Variants in SLC25A22 observed in about 807,000 individuals in gnomAD.
The protein encoded by SLC25A22 is solute carrier family 25 member 22.
SLC25A22 carries 23 observed loss-of-function variants against 33.7 expected under a neutral mutation model. That is an observed-to-expected ratio of 0.68 (90% confidence interval 0.49 to 0.97). SLC25A22 has a LOEUF of 0.97. Ranked by LOEUF, SLC25A22 falls within the 50% of genes least tolerant of loss-of-function variation. SLC25A22 has a pLI of 0.00. For missense variants in SLC25A22, 390 were observed against 451.1 expected, an observed-to-expected ratio of 0.86 and a Z score of 1.23; for synonymous variants, 245 against 203.8, an observed-to-expected ratio of 1.20 and a Z score of -1.72.
At position 792,975 on chromosome 11, in the gene SLC25A22, G is replaced by C. The variant is rs370392070; in HGVS notation, c.307C>G (p.Leu103Val). The change falls in exon 6 of 10, where the codon CTG (leucine) becomes GTG (valine). Residue 103 changes from leucine (L) to valine (V), a missense_variant. By Grantham distance (32) the Leu-to-Val change is conservative. Transcript: ENST00000628067. ...QLSKDGQKLT[L>V]LKEMLAGCGA... ...CAGCCCGCCAGCATCTCTTTAAGCA[G>C]GGTCAGCTTCTGCCTGTGGTAGGGG... 1.2e-6 allele frequency: 2 copies of C among 1,613,310 alleles called. No individual in the cohort carries two copies. The highest frequency in any genetic ancestry group is 1.3e-5 in the African/African-American group (1 of 74,922).
intron 7 of SLC25A22, 39 bp from the exon 8 acceptor site, chr11:792,497 G>A (rs1025697688): frequency 2.5e-6 from 4 of 1,612,708 alleles, no homozygotes; most frequent in Non-Finnish European, 3.4e-6. Context: ...AGGAGGTGGT[G>A]GGGTGGGCAG....
chr11:796,554 G>A (rs892114530), intron 1 of SLC25A22, among the ~76,000 whole-genome samples: 1 of 152,302 alleles, frequency 6.6e-6, no homozygotes, highest in Middle Eastern at 3.4e-3. Flanking sequence ...GGTACTCTGA[G>A]AATGAGGCTT....
Position 793,527 on chromosome 11 carries a change from A to G in SLC25A22, c.293+2T>C. On this transcript the variant is annotated splice_donor_variant, in intron 5 of 9. Coordinates refer to ENST00000628067, the MANE Select transcript of SLC25A22 (RefSeq NM_001191061.2). LOFTEE classifies it high-confidence loss of function. The stretch of plus-strand genomic sequence containing the variant: ...CGAGTGTCTGCCAGGCAGAACCCTC[A>G]CCCGTCCTTAGAGAGCTGATGTCGG... 6.2e-7 allele frequency: 1 copy of G among 1,612,948 alleles called. No homozygotes were observed. The highest frequency in any genetic ancestry group is 1.3e-5 in the African/African-American group (1 of 74,714).
At chr11:794,166 TG>T in intron 4 of SLC25A22, 5 of 681,962 alleles carry the variant, frequency 7.3e-6, no homozygotes. Flanking sequence ...GGGTCCAGCC[TG>T]GCCCAGAAGG....
intron 4 of SLC25A22, chr11:793,977 G>T: frequency 2.1e-6 from 1 of 471,542 alleles, no homozygotes; most frequent in Non-Finnish European, 3.9e-6. Context: ...GCTGGGGCCA[G>T]AGGTCACAGG....
In SLC25A22 at chr11:795,372, C is replaced by T. The variant is rs1036346702; in HGVS notation, c.-163-203G>A. 12 of 259,670 alleles carry T rather than the reference C, an allele frequency of 4.6e-5. 2 individuals carry two copies. The highest frequency in any genetic ancestry group is 1.7e-4 in the East Asian group (2 of 11,778). The allele number at this position is 259,670 out of a possible 1,614,324, so 16.1% of individuals were successfully genotyped here. ...ACCACCTGGCTTCCTTTCAGTCCCC[C>T]CCTCCCCACCGCCAGCGTCTTCCCA... On this transcript the variant is annotated intron_variant, in intron 1 of 9. Transcript: ENST00000628067.
Position 793,557 on chromosome 11 carries a change from A to C in SLC25A22, c.265T>G (p.Phe89Val), listed in dbSNP as rs1864644840. The change falls in exon 5 of 10, where the codon TTC becomes GTC. Residue 89 changes from phenylalanine (F) to valine (V), a missense_variant. By Grantham distance (50) the Phe-to-Val change is conservative. Transcript: ENST00000628067. ...EKAIKLAAND[F>V]FRHQLSKDGQ... is the part of the protein sequence containing the mutation. ...TCCTTAGAGAGCTGATGTCGGAAGA[A>C]GTCGTTGGCTGCCAGCTTGATGGCC... 2.5e-6 allele frequency: 4 copies of C among 1,613,166 alleles called. No homozygotes were observed. Among genetic ancestry groups the C allele is most frequent in the Non-Finnish European group, 3.4e-6 (4 of 1,179,936 alleles).
chr11:794,952 G>A (rs1237046892), intron 2 of SLC25A22, 35 bp downstream of exon 2: 1 of 1,562,746 alleles, frequency 6.4e-7, no homozygotes, highest in Non-Finnish European at 8.7e-7. Context: ...GGGTCAGGGT[G>A]GGGGTGAGGC....
At chr11:795,409 ACGCCGCTCACGCTCGGGG>A (rs1864766070) in intron 1 of SLC25A22, 1 of 298,330 alleles carries the variant, frequency 3.4e-6, no homozygotes, top group Non-Finnish European at 6.2e-6. Flanking sequence ...CCAGCCTCAC[ACGCCGCTCACGCTCGGGG>A]CTCACGTGCA....
At chr11:796,375 G>A (rs921148408) in intron 1 of SLC25A22, 2 of 152,150 alleles carry the variant, frequency 1.3e-5, no homozygotes, top group Non-Finnish European at 2.9e-5. Context: ...AGCCTTGAGA[G>A]GAGAGATGAG....
rs1036346702 is a variant in SLC25A22 at position 795,372 on chromosome 11, C to A, written c.-163-203G>T. ...ACCACCTGGCTTCCTTTCAGTCCCC[C>A]CCTCCCCACCGCCAGCGTCTTCCCA... On this transcript the variant is annotated intron_variant, in intron 1 of 9. Transcript: ENST00000628067. The A allele has an allele frequency of 1.3e-4, 34 of 259,772 alleles. 2 individuals are homozygous for A. Among genetic ancestry groups the A allele is most frequent in the South Asian group, 3.5e-4 (12 of 34,112 alleles). 16.1% of individuals were successfully genotyped at this position (259,772 alleles called of 1,614,324 possible). A position where few individuals can be genotyped will look rare whatever the true frequency, so the allele number is the denominator to read the frequency against.
chr11:792,188 G>A lies in SLC25A22; in HGVS notation c.772C>T (p.Arg258Ter), dbSNP rs1337888216. 3 of 1,612,876 alleles carry A rather than the reference G, an allele frequency of 1.9e-6. No individual in the cohort carries two copies. The highest frequency in any genetic ancestry group is 1.7e-6 in the Non-Finnish European group (2 of 1,179,872). ...GAGTAGGTGTCCTCGTTGACGCCTC[G>A]CTGAAGTGACTGGAGCCGCGTCTTC... Reference protein sequence around the residue: ...VVKTRLQSLQRGVNEDTYSGI... With the variant: ...VVKTRLQSLQ The change falls in exon 9 of 10, where the codon CGA (arginine) becomes TGA (stop). Residue 258 changes from arginine to a stop codon, truncating the protein, a stop_gained. Transcript: ENST00000628067. LOFTEE classifies it high-confidence loss of function.
chr11:794,465 C>T lies in SLC25A22; in HGVS notation c.195G>A (p.Met65Ile), dbSNP rs1318091783. The T allele has an allele frequency of 1.2e-6, 2 of 1,612,902 alleles. No homozygotes were observed. The highest frequency in any genetic ancestry group is 8.5e-7 in the Non-Finnish European group (1 of 1,179,884). Residue 65 changes from methionine (M) to isoleucine (I), a missense_variant, in exon 4 of 10, where the codon ATG (methionine) becomes ATA (isoleucine). Coordinates refer to ENST00000628067, the MANE Select transcript of SLC25A22 (RefSeq NM_001191061.2). ...AGCCGAGCCAAACCTCACCCCGGTACATGCCGAAGTAGCCCTCGGAGCGGA... is the reference window on the plus strand; with the variant it reads ...AGCCGAGCCAAACCTCACCCCGGTATATGCCGAAGTAGCCCTCGGAGCGGA... ...KTVRSEGYFG[M>I]YRGAAVNLTL...
Position 798,239 on chromosome 11 carries a change from C to G in SLC25A22, c.-186G>C. On this transcript the variant is annotated 5_prime_UTR_variant, in exon 1 of 10. Coordinates refer to ENST00000628067, the MANE Select transcript of SLC25A22 (RefSeq NM_001191061.2). ...CACCACGCTCGCCGCCGCCGCCGCG[C>G]TCGCCTGCCCGCCCCGCGCTCGGCC... 2.5e-6 allele frequency: 1 copy of G among 392,742 alleles called. No homozygotes were observed. Among genetic ancestry groups the G allele is most frequent in the East Asian group, 3.6e-5 (1 of 27,666 alleles). The allele number at this position is 392,742 out of a possible 1,614,324, so 24.3% of individuals were successfully genotyped here.
At chr11:794,204 G>A in intron 4 of SLC25A22, 5 of 699,192 alleles carry the variant, frequency 7.2e-6, no homozygotes, top group Non-Finnish European at 1.0e-5. Context: ...CACCAGAGAA[G>A]AGACAGATGT....
Position 794,983 on chromosome 11 carries a change from T to G in SLC25A22, c.20+4A>C. ...GAGGCACGCAGCCAGGACTGGAGTC[T>G]GACCTGATCTGCTTATCAGCCATTT... is the stretch of plus-strand genomic sequence containing the variant. On this transcript the variant is annotated splice_donor_region_variant and intron_variant, in intron 2 of 9. Transcript: ENST00000628067. 1 of 1,559,656 alleles carries G rather than the reference T, an allele frequency of 6.4e-7. No individual in the cohort carries two copies. Among genetic ancestry groups the G allele is most frequent in the Non-Finnish European group, 8.7e-7 (1 of 1,151,844 alleles).
intron 1 of SLC25A22, 45 bp from the exon 2 acceptor site, chr11:795,214 G>A (rs981889251): frequency 2.8e-5 from 19 of 689,328 alleles, no homozygotes; most frequent in Admixed American, 6.2e-5. Flanking sequence ...GGGGCCACCC[G>A]AAGAGTAATC....
At chr11:794,950 G>C (rs1864725475) in intron 2 of SLC25A22, 37 bp downstream of exon 2, 1 of 1,562,952 alleles carries the variant, frequency 6.4e-7, no homozygotes, top group Non-Finnish European at 8.7e-7. Flanking sequence ...ATGGGTCAGG[G>C]TGGGGGTGAG....
chr11:795,412 CCGCTCA>C, intron 1 of SLC25A22: 1 of 378,956 alleles, frequency 2.6e-6, no homozygotes, highest in Non-Finnish European at 5.1e-6. Flanking sequence ...GCCTCACACG[CCGCTCA>C]CGCTCGGGGC....
Sources: gnomAD v4.1 joint callset for allele counts (sites outside exome capture counted in the v4.1 genomes callset) on GRCh38, gnomAD v4.1.1 for gene constraint, MANE v1.5 for transcripts, NCBI Gene and HGNC (gene_info 2026-07-23, HGNC 2026-07-21) for gene names.